The following FAM177A1 variants were observed in gnomAD, a reference collection of about 807,000 sequenced individuals.
The protein encoded by FAM177A1 is family with sequence similarity 177 member A1.
FAM177A1 carries 22 observed loss-of-function variants against 26.1 expected under a neutral mutation model. The ratio of observed to expected loss-of-function variants is 0.84; its 90% CI spans 0.60 to 1.20. The LOEUF (loss-of-function observed/expected upper bound fraction) is 1.20, where lower values mean the gene tolerates loss of function less well. Ranked by LOEUF, FAM177A1 falls within the 50% of genes most tolerant of loss-of-function variation. The pLI is 0.00. For synonymous variants in FAM177A1, 95 were observed against 99.3 expected, an observed-to-expected ratio of 0.96 and a Z score of 0.26; for missense variants, 296 against 291.1, an observed-to-expected ratio of 1.02 and a Z score of -0.12.
At chr14:35,075,987 G>C (rs1312321586) in intron 2 of FAM177A1, among the ~76,000 whole-genome samples, 1 of 152,218 alleles carries the variant, frequency 6.6e-6, no homozygotes, top group African/African-American at 2.4e-5. Flanking sequence ...CTTTTATACT[G>C]TTGGTGGGAG....
At chr14:35,052,183 T>C (rs1194842734) in intron 1 of FAM177A1, among the ~76,000 whole-genome samples, 1 of 152,182 alleles carries the variant, frequency 6.6e-6, no homozygotes, top group African/African-American at 2.4e-5. Context: ...TGTTGCCAGA[T>C]TTTTCTTCAC....
At chr14:35,049,376 C>G (rs936275743) in intron 1 of FAM177A1, among the ~76,000 whole-genome samples, 1 of 152,130 alleles carries the variant, frequency 6.6e-6, no homozygotes, top group Non-Finnish European at 1.5e-5. Context: ...AGTACCTACC[C>G]CCATGTTGCT....
At position 35,057,330 on chromosome 14, in the gene FAM177A1, G is replaced by C. The variant is rs1429497563; in HGVS notation, c.339+3879G>C. Among the ~76,000 whole-genome samples, 6 of 152,142 alleles carry C rather than the reference G, an allele frequency of 3.9e-5. No individual in the cohort carries two copies. The East Asian group carries it at 7.7e-4, about 20-fold the overall frequency. On this transcript the variant is annotated intron_variant, in intron 2 of 4. Transcript: ENST00000280987. ...CCTGCTTCAGCCTCACAAGTAGTAG[G>C]GTTTACAGATGTGCACCACCATGCC... is the stretch of plus-strand genomic sequence containing the variant.
intron 4 of FAM177A1, among the ~76,000 whole-genome samples, chr14:35,079,289 A>C (rs1210486515): frequency 6.6e-6 from 1 of 152,212 alleles, no homozygotes; most frequent in Non-Finnish European, 1.5e-5. Flanking sequence ...TACATTATTT[A>C]ATCTTCACAT....
intron 3 of FAM177A1, among the ~76,000 whole-genome samples, chr14:35,077,776 C>G (rs999043763): frequency 1.3e-5 from 2 of 152,166 alleles, no homozygotes; most frequent in Non-Finnish European, 2.9e-5. Flanking sequence ...GCCACCGCGC[C>G]CGGCCTCAAG....
chr14:35,076,543 T>TA (rs1595057752), intron 2 of FAM177A1, among the ~76,000 whole-genome samples: 2 of 152,014 alleles, frequency 1.3e-5, no homozygotes, highest in Non-Finnish European at 2.9e-5. Flanking sequence ...TATACATATG[T>TA]AACAAACCTG....
chr14:35,082,523 AAG>A lies in FAM177A1; in HGVS notation c.*1296_*1297del, dbSNP rs1326667049. 6.6e-6 allele frequency: 1 copy of A among 151,354 alleles called. No individual in the cohort carries two copies. The highest frequency in any genetic ancestry group is 2.4e-5 in the African/African-American group (1 of 40,930). 9.4% of individuals were successfully genotyped at this position (151,354 alleles called of 1,614,324 possible). ...GTGAGACTCCATCTTGGGGGGAAAA[AAG>A]TATATATATATACACACACACAGAC... On this transcript the variant is annotated 3_prime_UTR_variant, in exon 5 of 5. Coordinates refer to ENST00000280987, the MANE Select transcript of FAM177A1 (RefSeq NM_173607.5).
intron 2 of FAM177A1, among the ~76,000 whole-genome samples, chr14:35,059,176 C>T (rs941765256): frequency 3.9e-5 from 6 of 152,260 alleles, no homozygotes; most frequent in East Asian, 1.9e-4. Context: ...CCACCTGCCT[C>T]GGCCTCCCAA....
chr14:35,059,153 C>T (rs1433744085), intron 2 of FAM177A1, among the ~76,000 whole-genome samples: 1 of 152,076 alleles, frequency 6.6e-6, no homozygotes, highest in Non-Finnish European at 1.5e-5. Context: ...TCTCAATCTC[C>T]TGACCTTGTG....
chr14:35,062,918 C>T (rs866589305), intron 2 of FAM177A1, among the ~76,000 whole-genome samples: 7 of 137,314 alleles, frequency 5.1e-5, no homozygotes, highest in African/African-American at 1.9e-4. Context: ...TTTTAGAACT[C>T]GATTTGAGAT....
At chr14:35,075,968 A>G (rs1211888237) in intron 2 of FAM177A1, among the ~76,000 whole-genome samples, 1 of 152,232 alleles carries the variant, frequency 6.6e-6, no homozygotes, top group African/African-American at 2.4e-5. Flanking sequence ...ATGTGGAGAA[A>G]TAGGAACACT....
intron 1 of FAM177A1, chr14:35,046,970 A>G (rs1201523483): frequency 4.6e-6 from 5 of 1,085,248 alleles, no homozygotes; most frequent in South Asian, 3.2e-5. Flanking sequence ...GGCGGCTTCA[A>G]CCACTTCTCA....
intron 1 of FAM177A1, 162 bp from the exon 2 acceptor site, chr14:35,053,116 A>T: frequency 3.2e-6 from 2 of 623,790 alleles, no homozygotes; most frequent in Non-Finnish European, 5.5e-6. Flanking sequence ...TTGACACTGT[A>T]CTCCAGCCTG....
intron 1 of FAM177A1, among the ~76,000 whole-genome samples, chr14:35,047,368 A>G (rs2044884356): frequency 1.3e-5 from 2 of 152,220 alleles, no homozygotes; most frequent in African/African-American, 4.8e-5. Context: ...TTTTACACGC[A>G]TAGCATATCG....
intron 2 of FAM177A1, among the ~76,000 whole-genome samples, chr14:35,075,036 T>TA (rs750208862): frequency 1.7e-4 from 26 of 151,990 alleles, no homozygotes; most frequent in South Asian, 4.2e-4. Flanking sequence ...GACTCTGTCT[T>TA]AAAAAAAACT....
Position 35,046,463 on chromosome 14 carries a change from G to A in FAM177A1, c.-1G>A. 6.4e-7 allele frequency: 1 copy of A among 1,568,986 alleles called. No individual in the cohort carries two copies. Among genetic ancestry groups the A allele is most frequent in the Non-Finnish European group, 8.6e-7 (1 of 1,156,088 alleles). ...CCAGCGACTGGGCGGGGAGACCAAG[G>A]ATGGAAGTGGGCTTACCGGCCATTA... On this transcript the variant is annotated 5_prime_UTR_variant, in exon 1 of 5. Coordinates refer to ENST00000280987, the MANE Select transcript of FAM177A1 (RefSeq NM_173607.5).
chr14:35,054,348 T>C (rs184944418), intron 2 of FAM177A1, among the ~76,000 whole-genome samples: 115 of 152,334 alleles, frequency 7.5e-4, no homozygotes, highest in African/African-American at 2.7e-3. Context: ...GACTGTACAA[T>C]TATGAGACTA....
intron 2 of FAM177A1, among the ~76,000 whole-genome samples, chr14:35,054,121 A>G (rs200943712): frequency 6.6e-6 from 1 of 152,204 alleles, no homozygotes; most frequent in African/African-American, 2.4e-5. Context: ...CTGCCTCAAC[A>G]GGAGAATGGC....
At chr14:35,074,430 A>C (rs1188476963) in intron 2 of FAM177A1, among the ~76,000 whole-genome samples, 1 of 152,106 alleles carries the variant, frequency 6.6e-6, no homozygotes, top group Non-Finnish European at 1.5e-5. Flanking sequence ...GATTCAAGCG[A>C]TTCTCCTGTC....
Sources: gnomAD v4.1 joint callset for allele counts (sites outside exome capture counted in the v4.1 genomes callset) on GRCh38, gnomAD v4.1.1 for gene constraint, MANE v1.5 for transcripts, NCBI Gene and HGNC (gene_info 2026-07-23, HGNC 2026-07-21) for gene names.